Variants in RIT2 observed in about 807,000 individuals in gnomAD.
RIT2 encodes Ras like without CAAX 2.
In RIT2, 24 loss-of-function variants were observed where a neutral mutation model predicts 23.7. That is an observed-to-expected ratio of 1.01 (90% CI 0.73 to 1.43). The LOEUF (loss-of-function observed/expected upper bound fraction) is 1.43, where lower values mean the gene tolerates loss of function less well. RIT2 is among the 40% of genes most tolerant of loss of function. RIT2 has a pLI of 0.00. For synonymous variants in RIT2, 107 were observed against 91.1 expected, an observed-to-expected ratio of 1.17 and a Z score of -0.99; for missense variants, 236 against 266.9, an observed-to-expected ratio of 0.88 and a Z score of 0.81.
intron 4 of RIT2, among the ~76,000 whole-genome samples, chr18:42,866,158 A>C (rs1907464303): frequency 1.3e-5 from 2 of 152,202 alleles, no homozygotes; most frequent in Admixed American, 6.5e-5. Flanking sequence ...AACAATTGAC[A>C]TGAGAAGCTG....
At chr18:42,959,905 T>A (rs900577287) in intron 3 of RIT2, among the ~76,000 whole-genome samples, 1 of 152,310 alleles carries the variant, frequency 6.6e-6, no homozygotes, top group South Asian at 2.1e-4. Context: ...AGTTGGTATG[T>A]CTTAACTGAA....
chr18:42,802,415 C>A (rs980575403), intron 4 of RIT2, among the ~76,000 whole-genome samples: 2 of 152,182 alleles, frequency 1.3e-5, no homozygotes, highest in East Asian at 3.9e-4. Flanking sequence ...CTGTTCTTGG[C>A]CCTGATAAGA....
chr18:42,769,699 C>A (rs966476029), intron 4 of RIT2, among the ~76,000 whole-genome samples: 9 of 151,830 alleles, frequency 5.9e-5, no homozygotes, highest in African/African-American at 2.2e-4. Flanking sequence ...ATCTATGATT[C>A]CCTGTGAAAT....
intron 4 of RIT2, among the ~76,000 whole-genome samples, chr18:42,771,226 T>A (rs1273063858): frequency 6.6e-6 from 1 of 152,164 alleles, no homozygotes; most frequent in Non-Finnish European, 1.5e-5. Flanking sequence ...GTCTAAACAA[T>A]CAATAATTAT....
At chr18:42,870,365 C>T (rs529122283) in intron 4 of RIT2, among the ~76,000 whole-genome samples, 2 of 152,196 alleles carry the variant, frequency 1.3e-5, no homozygotes, top group South Asian at 2.1e-4. Context: ...CTCAGCCTCC[C>T]ACGTAGCTGG....
chr18:42,856,760 T>C (rs1359563216), intron 4 of RIT2, among the ~76,000 whole-genome samples: 1 of 152,030 alleles, frequency 6.6e-6, no homozygotes, highest in Non-Finnish European at 1.5e-5. Flanking sequence ...AGAGGGGAAT[T>C]TTTCCCATCT....
intron 1 of RIT2, among the ~76,000 whole-genome samples, chr18:43,042,169 C>A (rs1284042448): frequency 6.6e-6 from 1 of 152,122 alleles, no homozygotes; most frequent in Non-Finnish European, 1.5e-5. Context: ...GATTTAGCCC[C>A]ATTTGTCTTG....
chr18:42,936,115 G>C (rs976472913), intron 3 of RIT2, among the ~76,000 whole-genome samples: 1 of 151,866 alleles, frequency 6.6e-6, no homozygotes, highest in African/African-American at 2.4e-5. Context: ...TCACAAATTG[G>C]CCTTAGAGTC....
chr18:43,071,362 G>A (rs947178693), intron 1 of RIT2, among the ~76,000 whole-genome samples: 2 of 152,140 alleles, frequency 1.3e-5, no homozygotes, highest in Non-Finnish European at 2.9e-5. Flanking sequence ...GTTCTCAACT[G>A]GCGATGGAGT....
chr18:43,115,016 T>C (rs1226267733), intron 1 of RIT2, among the ~76,000 whole-genome samples: 1 of 152,206 alleles, frequency 6.6e-6, no homozygotes, highest in African/African-American at 2.4e-5. Flanking sequence ...TATATGTCTG[T>C]GTTTGTAACT....
intron 1 of RIT2, among the ~76,000 whole-genome samples, chr18:43,086,207 T>C (rs1254492172): frequency 6.6e-6 from 1 of 152,160 alleles, no homozygotes; most frequent in Non-Finnish European, 1.5e-5. Flanking sequence ...CTTTTGAGTG[T>C]CATGTTAACA....
chr18:43,109,721 G>A (rs1913908722), intron 1 of RIT2, among the ~76,000 whole-genome samples: 1 of 152,052 alleles, frequency 6.6e-6, no homozygotes, highest in Non-Finnish European at 1.5e-5. Flanking sequence ...ACCATGAGAT[G>A]GTGCACTCCC....
At chr18:43,008,905 C>T (rs544734166) in intron 2 of RIT2, among the ~76,000 whole-genome samples, 1 of 151,650 alleles carries the variant, frequency 6.6e-6, no homozygotes, top group South Asian at 2.1e-4. Flanking sequence ...CTCTGTGGAG[C>T]TCAGTTTCCT....
intron 3 of RIT2, among the ~76,000 whole-genome samples, chr18:42,928,882 G>A (rs1909250712): frequency 6.6e-6 from 1 of 151,318 alleles, no homozygotes; most frequent in African/African-American, 2.4e-5. Context: ...TTTGGTATTT[G>A]ACACATATTT....
intron 4 of RIT2, among the ~76,000 whole-genome samples, chr18:42,882,363 G>A (rs751527713): frequency 3.9e-5 from 6 of 152,100 alleles, no homozygotes; most frequent in Non-Finnish European, 7.4e-5. Flanking sequence ...ATTCCTCCAT[G>A]TTTTCTACTT....
At chr18:42,882,559 A>G (rs556696221) in intron 4 of RIT2, among the ~76,000 whole-genome samples, 1 of 152,318 alleles carries the variant, frequency 6.6e-6, no homozygotes, top group African/African-American at 2.4e-5. Flanking sequence ...TGACTGGGTA[A>G]TTCAGTCAAA....
rs781089455 is a variant in RIT2, at chr18:42,974,069, C to T, written c.234+5G>A. 6.2e-7 allele frequency: 1 copy of T among 1,605,928 alleles called. No homozygotes were observed. The highest frequency in any genetic ancestry group is 8.5e-7 in the Non-Finnish European group (1 of 1,173,988). On this transcript the variant is annotated splice_donor_5th_base_variant and intron_variant, in intron 3 of 4. Coordinates refer to ENST00000326695, the MANE Select transcript of RIT2 (RefSeq NM_002930.4). ...AGATTGGAGAGGTTTAAGAACATCA[C>T]CTACCTGGCCAGCAGTGTCCAAGAT...
intron 2 of RIT2, among the ~76,000 whole-genome samples, chr18:43,029,592 A>C (rs1911807929): frequency 6.6e-6 from 1 of 152,008 alleles, no homozygotes; most frequent in Non-Finnish European, 1.5e-5. Context: ...TGGACTCTAG[A>C]CAAGGAGATA....
chr18:42,833,877 A>T (rs1906527503), intron 4 of RIT2, among the ~76,000 whole-genome samples: 1 of 152,194 alleles, frequency 6.6e-6, no homozygotes, highest in African/African-American at 2.4e-5. Flanking sequence ...TATTGTTCTC[A>T]GGGTACACTC....
Sources: gnomAD v4.1 joint callset for allele counts (sites outside exome capture counted in the v4.1 genomes callset) on GRCh38, gnomAD v4.1.1 for gene constraint, MANE v1.5 for transcripts, NCBI Gene and HGNC (gene_info 2026-07-23, HGNC 2026-07-21) for gene names.